FMN2: variants seen among roughly 807,000 people sequenced by gnomAD.
FMN2 encodes formin-2.
In FMN2, 51 loss-of-function variants were observed where a neutral mutation model predicts 142.3. The observed-to-expected ratio is 0.36, with a 90% CI of 0.29 to 0.45. The LOEUF (loss-of-function observed/expected upper bound fraction) is 0.45, where lower values mean the gene tolerates loss of function less well. Ranked by LOEUF, FMN2 falls within the 20% of genes least tolerant of loss-of-function variation. The pLI, the probability that FMN2 is intolerant of heterozygous loss-of-function variation, is 1.00. For synonymous variants in FMN2, 882 were observed against 869.8 expected (o/e 1.01, Z -0.25); for missense variants, 1,936 against 2,122.8 (o/e 0.91, Z 1.73).
intron 14 of FMN2, among the ~76,000 whole-genome samples, chr1:240,389,290 T>C (rs968516786): frequency 6.6e-6 from 1 of 152,200 alleles, no homozygotes; most frequent in Non-Finnish European, 1.5e-5. Context: ...ATATTTTTTG[T>C]ACTTCTAGAA....
intron 14 of FMN2, among the ~76,000 whole-genome samples, chr1:240,368,166 G>C (rs1212296602): frequency 6.6e-6 from 1 of 152,146 alleles, no homozygotes; most frequent in African/African-American, 2.4e-5. Flanking sequence ...CTTGAAATGT[G>C]AAAAGGCTAG....
At chr1:240,301,763 C>A (rs1034016276) in intron 8 of FMN2, among the ~76,000 whole-genome samples, 2 of 151,902 alleles carry the variant, frequency 1.3e-5, no homozygotes, top group African/African-American at 4.8e-5. Context: ...CATAAATTGT[C>A]ATTTTTTTCC....
At chr1:240,252,668 G>A (rs1225734150) in intron 6 of FMN2, among the ~76,000 whole-genome samples, 1 of 151,078 alleles carries the variant, frequency 6.6e-6, no homozygotes, top group African/African-American at 2.4e-5. Flanking sequence ...GTGACTAGAT[G>A]CTTATCTCTT....
At chr1:240,426,204 T>C (rs1352891594) in intron 15 of FMN2, among the ~76,000 whole-genome samples, 1 of 152,094 alleles carries the variant, frequency 6.6e-6, no homozygotes, top group African/African-American at 2.4e-5. Flanking sequence ...TTTTGAGTCA[T>C]TCTTTATGTG....
chr1:240,170,828 T>C (rs1287481080), intron 2 of FMN2: 3 of 835,430 alleles, frequency 3.6e-6, no homozygotes, highest in East Asian at 2.4e-5. Flanking sequence ...TCCCGGATCA[T>C]TGGTGTGGAC....
At chr1:240,254,024 G>T (rs1020727322) in intron 6 of FMN2, among the ~76,000 whole-genome samples, 2 of 152,122 alleles carry the variant, frequency 1.3e-5, no homozygotes, top group Non-Finnish European at 2.9e-5. Flanking sequence ...CTGTCCTTTG[G>T]TCTTAGGGTG....
chr1:240,229,243 G>A (rs1470606252), intron 6 of FMN2, among the ~76,000 whole-genome samples: 11 of 152,134 alleles, frequency 7.2e-5, no homozygotes, highest in Admixed American at 1.3e-4. Context: ...TAACTTACAC[G>A]TTGAACAGAC....
chr1:240,244,916 C>A (rs191559310), intron 6 of FMN2, among the ~76,000 whole-genome samples: 2 of 152,156 alleles, frequency 1.3e-5, no homozygotes, highest in Non-Finnish European at 2.9e-5. Flanking sequence ...ACTTATTCAG[C>A]GGACATTTTT....
intron 13 of FMN2, among the ~76,000 whole-genome samples, chr1:240,337,454 T>C (rs1369097373): frequency 1.3e-5 from 2 of 152,092 alleles, no homozygotes; most frequent in Non-Finnish European, 2.9e-5. Context: ...CTGACAAAAA[T>C]GATTCCTTCT....
At chr1:240,103,885 T>A (rs1661497942) in intron 1 of FMN2, among the ~76,000 whole-genome samples, 1 of 150,022 alleles carries the variant, frequency 6.7e-6, no homozygotes, top group African/African-American at 2.5e-5. Context: ...ACATTATTAT[T>A]ATTTTTTTTT....
chr1:240,284,523 A>T (rs751377579), intron 7 of FMN2, among the ~76,000 whole-genome samples: 2 of 152,116 alleles, frequency 1.3e-5, no homozygotes, highest in Non-Finnish European at 2.9e-5. Context: ...TCCCTTCCCC[A>T]GCTGTCCACT....
chr1:240,183,923 A>G (rs971243610), intron 3 of FMN2, among the ~76,000 whole-genome samples: 1 of 152,214 alleles, frequency 6.6e-6, no homozygotes, highest in Non-Finnish European at 1.5e-5. Flanking sequence ...TAATAATTTT[A>G]TATAGCTGCA....
intron 8 of FMN2, among the ~76,000 whole-genome samples, chr1:240,323,887 A>T (rs1671064111): frequency 6.6e-6 from 1 of 152,118 alleles, no homozygotes; most frequent in African/African-American, 2.4e-5. Flanking sequence ...TGTCTGACTT[A>T]AGGACAGCTG....
chr1:240,408,718 T>C (rs904391974), intron 15 of FMN2, among the ~76,000 whole-genome samples: 4 of 152,194 alleles, frequency 2.6e-5, no homozygotes, highest in African/African-American at 9.6e-5. Flanking sequence ...ATATTCAATC[T>C]ATGAATCGAG....
chr1:240,396,303 C>CTT (rs71170739), intron 15 of FMN2, among the ~76,000 whole-genome samples: 4,841 of 142,804 alleles, frequency 0.034, 95 homozygotes, highest in Middle Eastern at 0.052. Flanking sequence ...CCGAGGTTTT[C>CTT]GTGTGTGTGT....
chr1:240,243,567 G>A (rs950473915), intron 6 of FMN2, among the ~76,000 whole-genome samples: 2 of 152,070 alleles, frequency 1.3e-5, no homozygotes, highest in African/African-American at 4.8e-5. Context: ...TATAACTGCC[G>A]GTTATTGGAT....
At position 240,231,257 on chromosome 1, in the gene FMN2, C is replaced by A. The variant is rs1468026120; in HGVS notation, c.4065+20022C>A. On this transcript the variant is annotated intron_variant, in intron 6 of 17. Coordinates refer to ENST00000319653, the MANE Select transcript of FMN2 (RefSeq NM_020066.5). ...CTTCCAAAAAATAAAACAATACAAA[C>A]TTGCCAAATATAAGACCAAAACAAA... Among the ~76,000 whole-genome samples the A allele has an allele frequency of 2.3e-5, 3 of 132,430 alleles. 1 individual carries two copies. The highest frequency in any genetic ancestry group is 9.7e-5 in the African/African-American group (3 of 31,058). The allele number at this position is 132,430 out of a possible 152,430, so 86.9% of individuals were successfully genotyped here.
chr1:240,376,525 T>A (rs1338489224), intron 14 of FMN2, among the ~76,000 whole-genome samples: 1 of 152,128 alleles, frequency 6.6e-6, no homozygotes, highest in East Asian at 1.9e-4. Context: ...AAAAAAGGGA[T>A]GTTCGTACCT....
intron 5 of FMN2, among the ~76,000 whole-genome samples, chr1:240,210,507 AT>A (rs1340641915): frequency 2.0e-5 from 3 of 152,044 alleles, no homozygotes; most frequent in Admixed American, 2.0e-4. Flanking sequence ...TATGTGGGTG[AT>A]TCATTTTAAA....
Sources: gnomAD v4.1 joint callset for allele counts (sites outside exome capture counted in the v4.1 genomes callset) on GRCh38, gnomAD v4.1.1 for gene constraint, MANE v1.5 for transcripts, NCBI Gene and HGNC (gene_info 2026-07-23, HGNC 2026-07-21) for gene names.